Variants in FAT3 observed in about 807,000 individuals in gnomAD.
The protein encoded by FAT3 is FAT atypical cadherin 3.
A neutral mutation model predicts 310.2 loss-of-function variants in FAT3; 95 were observed. The observed-to-expected ratio is 0.31, with a 90% CI of 0.26 to 0.36. The LOEUF (loss-of-function observed/expected upper bound fraction) is 0.36. FAT3 is among the 10% of genes least tolerant of loss of function. FAT3 has a pLI of 1.00. For missense variants in FAT3, 5,408 were observed against 5,715.6 expected (o/e 0.95, Z 1.74); for synonymous variants, 2,314 against 2,192.9 (o/e 1.06, Z -1.54).
intron 4 of FAT3, among the ~76,000 whole-genome samples, chr11:92,711,604 A>G (rs188286188): frequency 1.5e-4 from 23 of 152,318 alleles, no homozygotes; most frequent in Admixed American, 5.2e-4. Context: ...ACAAAAATCT[A>G]TCCCTTGGCT....
chr11:92,391,089 A>G (rs1949737900), intron 2 of FAT3, among the ~76,000 whole-genome samples: 1 of 152,220 alleles, frequency 6.6e-6, no homozygotes, highest in South Asian at 2.1e-4. Context: ...CAGAGCAGTT[A>G]ACAACTCCAA....
At chr11:92,549,297 G>A (rs925162861) in intron 3 of FAT3, among the ~76,000 whole-genome samples, 4 of 152,258 alleles carry the variant, frequency 2.6e-5, no homozygotes, top group African/African-American at 9.6e-5. Flanking sequence ...AGCAGAACTA[G>A]TTGTAGATTA....
intron 2 of FAT3, among the ~76,000 whole-genome samples, chr11:92,514,305 T>C (rs1953404825): frequency 6.6e-6 from 1 of 151,956 alleles, no homozygotes; most frequent in Non-Finnish European, 1.5e-5. Flanking sequence ...ATACAGCAAA[T>C]AAAGATAAAA....
chr11:92,746,502 G>A (rs1945676518), intron 4 of FAT3, among the ~76,000 whole-genome samples: 1 of 152,150 alleles, frequency 6.6e-6, no homozygotes, highest in Non-Finnish European at 1.5e-5. Flanking sequence ...GTGGGGATAT[G>A]GCCAAATCAT....
rs7482409 is a variant in FAT3, at chr11:92,368,915, C to G, written c.3292+13511C>G. Among the ~76,000 whole-genome samples the G allele has an allele frequency of 1.7e-3, 220 of 127,270 alleles. 1 individual carries two copies. The highest frequency in any genetic ancestry group is 7.0e-3 in the African/African-American group (200 of 28,592). The allele number at this position is 127,270 out of a possible 152,430, so 83.5% of individuals were successfully genotyped here. ...ATACACACACACATATATATATACA[C>G]ATATATATATACACACATATATATA... On this transcript the variant is annotated intron_variant, in intron 2 of 27. Transcript: ENST00000525166.
chr11:92,721,576 C>A (rs1944859802), intron 4 of FAT3, among the ~76,000 whole-genome samples: 1 of 152,210 alleles, frequency 6.6e-6, no homozygotes, highest in African/African-American at 2.4e-5. Context: ...CAAACCTCAA[C>A]TGCCTAAGGA....
intron 2 of FAT3, among the ~76,000 whole-genome samples, chr11:92,461,332 A>T (rs572534293): frequency 2.5e-4 from 38 of 152,184 alleles, no homozygotes; most frequent in Non-Finnish European, 4.7e-4. Context: ...TGAATCAGGC[A>T]TAGCCTTCAT....
At chr11:92,361,505 A>G (rs1162099173) in intron 2 of FAT3, among the ~76,000 whole-genome samples, 1 of 152,152 alleles carries the variant, frequency 6.6e-6, no homozygotes, top group South Asian at 2.1e-4. Context: ...GGCTCCAGCT[A>G]GCTCCCCTGC....
intron 2 of FAT3, among the ~76,000 whole-genome samples, chr11:92,421,934 A>C (rs1950541095): frequency 6.6e-6 from 1 of 152,202 alleles, no homozygotes; most frequent in Admixed American, 6.5e-5. Context: ...AGACAGTGAG[A>C]GATCCTTTGT....
intron 3 of FAT3, among the ~76,000 whole-genome samples, chr11:92,624,435 G>C (rs1189671462): frequency 6.6e-6 from 1 of 152,128 alleles, no homozygotes; most frequent in Non-Finnish European, 1.5e-5. Flanking sequence ...TTTAGACTAA[G>C]GACACTTTTC....
chr11:92,557,933 G>A (rs1163104401), intron 3 of FAT3, among the ~76,000 whole-genome samples: 2 of 152,054 alleles, frequency 1.3e-5, no homozygotes, highest in African/African-American at 2.4e-5. Flanking sequence ...CAAAATGTGA[G>A]CCTGAAGGCT....
intron 4 of FAT3, among the ~76,000 whole-genome samples, chr11:92,757,556 T>G (rs1358445022): frequency 6.6e-6 from 1 of 152,170 alleles, no homozygotes; most frequent in African/African-American, 2.4e-5. Context: ...AGGCCTAACG[T>G]ATTATGAAGT....
At chr11:92,445,358 G>A (rs1951184792) in intron 2 of FAT3, among the ~76,000 whole-genome samples, 1 of 152,110 alleles carries the variant, frequency 6.6e-6, no homozygotes, top group Admixed American at 6.6e-5. Flanking sequence ...TTGGGTGGCT[G>A]TGTTCTTCAA....
At chr11:92,225,962 G>A (rs573637906) in intron 1 of FAT3, among the ~76,000 whole-genome samples, 1 of 60,106 alleles carries the variant, frequency 1.7e-5, no homozygotes, top group Admixed American at 2.1e-4. Flanking sequence ...AGCAGCGCGG[G>A]TCTGACCATC....
At chr11:92,252,789 G>A (rs1289333714) in intron 1 of FAT3, among the ~76,000 whole-genome samples, 1 of 152,016 alleles carries the variant, frequency 6.6e-6, no homozygotes, top group Non-Finnish European at 1.5e-5. Flanking sequence ...CACTGACTTA[G>A]GCCACTTACT....
chr11:92,495,745 A>G (rs548299456), intron 2 of FAT3, among the ~76,000 whole-genome samples: 3 of 152,072 alleles, frequency 2.0e-5, no homozygotes, highest in Non-Finnish European at 2.9e-5. Context: ...GATTTCTGAG[A>G]CATAACATCC....
intron 20 of FAT3, among the ~76,000 whole-genome samples, chr11:92,858,907 A>C (rs1949050359): frequency 1.3e-5 from 2 of 152,210 alleles, no homozygotes; most frequent in South Asian, 4.1e-4. Flanking sequence ...TGTGGAATTT[A>C]CCAAGTGGCT....
chr11:92,564,654 A>G (rs1387735143), intron 3 of FAT3, among the ~76,000 whole-genome samples: 2 of 152,190 alleles, frequency 1.3e-5, no homozygotes, highest in African/African-American at 4.8e-5. Flanking sequence ...CTCCTCAGTA[A>G]ATGTAAAAGA....
intron 3 of FAT3, among the ~76,000 whole-genome samples, chr11:92,625,491 C>T (rs1941286415): frequency 1.3e-5 from 2 of 152,170 alleles, no homozygotes; most frequent in South Asian, 4.1e-4. Context: ...AGGCCTGCAA[C>T]ACCAGCCTCT....
Sources: gnomAD v4.1 joint callset for allele counts (sites outside exome capture counted in the v4.1 genomes callset) on GRCh38, gnomAD v4.1.1 for gene constraint, MANE v1.5 for transcripts, NCBI Gene and HGNC (gene_info 2026-07-23, HGNC 2026-07-21) for gene names.